TNKS: variants seen among roughly 807,000 people sequenced by gnomAD.
The protein encoded by TNKS is tankyrase.
Under a neutral mutation model 135.8 loss-of-function variants are expected in TNKS, and 72 were observed. That is an observed-to-expected ratio of 0.53 (90% CI 0.44 to 0.64). The LOEUF is 0.64. Ranked by LOEUF, TNKS falls within the 30% of genes least tolerant of loss-of-function variation. The pLI, the probability that TNKS is intolerant of heterozygous loss-of-function variation, is 0.00. For synonymous variants in TNKS, 849 were observed against 649.3 expected (o/e 1.31, Z -4.68); for missense variants, 1,769 against 1,674.0 (o/e 1.06, Z -0.99).
At chr8:9,634,849 A>C (rs1800446047) in intron 3 of TNKS, among the ~76,000 whole-genome samples, 1 of 152,208 alleles carries the variant, frequency 6.6e-6, no homozygotes, top group Non-Finnish European at 1.5e-5. Flanking sequence ...GGGAAGGTGT[A>C]AAAGGAGCCT....
chr8:9,642,049 G>T (rs888592847), intron 3 of TNKS, among the ~76,000 whole-genome samples: 3 of 146,218 alleles, frequency 2.1e-5, no homozygotes, highest in Non-Finnish European at 4.5e-5. Flanking sequence ...ATGTAGAAGT[G>T]TTTGGCTTAA....
chr8:9,598,729 G>GTGTGTCTGTGTC (rs1554444988), intron 2 of TNKS, among the ~76,000 whole-genome samples: 9 of 123,526 alleles, frequency 7.3e-5, no homozygotes, highest in Admixed American at 2.7e-4. Flanking sequence ...GTGTGTGTGT[G>GTGTGTCTGTGTC]TGTGTCTGTG....
chr8:9,590,083 G>A (rs1052593327), intron 2 of TNKS, among the ~76,000 whole-genome samples: 4 of 152,162 alleles, frequency 2.6e-5, no homozygotes, highest in South Asian at 2.1e-4. Context: ...GTGTGTTCGC[G>A]AAGCTGCCCA....
At chr8:9,699,626 C>T (rs1803699661) in intron 5 of TNKS, among the ~76,000 whole-genome samples, 1 of 152,180 alleles carries the variant, frequency 6.6e-6, no homozygotes, top group Non-Finnish European at 1.5e-5. Context: ...CCAGCTTGTT[C>T]TGCACTCACC....
chr8:9,687,044 C>T (rs1389789340), intron 5 of TNKS, among the ~76,000 whole-genome samples: 1 of 152,188 alleles, frequency 6.6e-6, no homozygotes, highest in Admixed American at 6.5e-5. Context: ...ACACTGATGG[C>T]ATCTGCAGTG....
At chr8:9,668,706 C>T (rs1315257061) in intron 3 of TNKS, among the ~76,000 whole-genome samples, 2 of 152,076 alleles carry the variant, frequency 1.3e-5, no homozygotes, top group Non-Finnish European at 2.9e-5. Flanking sequence ...TTAACAAGTG[C>T]AAATGATTGG....
In TNKS at chr8:9,763,029, AG is replaced by A. The variant is rs1385679847; in HGVS notation, c.3275-116del. ...ATCAGGTTCAAATTGCAGATAGTTT[AG>A]GTTTGTTCCAAAACCTCAATTACTT... On this transcript the variant is annotated intron_variant, in intron 21 of 26. Coordinates refer to ENST00000310430, the MANE Select transcript of TNKS (RefSeq NM_003747.3). The A allele has an allele frequency of 6.9e-6, 3 of 437,448 alleles. No individual in the cohort carries two copies. The Admixed American group carries it at 1.3e-4, about 19-fold the overall frequency. 27.1% of individuals were successfully genotyped at this position (437,448 alleles called of 1,614,324 possible). A position where few individuals can be genotyped will look rare whatever the true frequency, so the allele number is the denominator to read the frequency against.
At chr8:9,698,136 G>A (rs1217074651) in intron 5 of TNKS, among the ~76,000 whole-genome samples, 1 of 152,060 alleles carries the variant, frequency 6.6e-6, no homozygotes. Context: ...TAACCTAAAC[G>A]AATTAATGTA....
chr8:9,590,158 C>T (rs1318144772), intron 2 of TNKS, among the ~76,000 whole-genome samples: 1 of 152,128 alleles, frequency 6.6e-6, no homozygotes, highest in Non-Finnish European at 1.5e-5. Context: ...ACTTAAGTAA[C>T]ACCCGGACTC....
rs1030640743 is a variant in TNKS at position 9,667,160 on chromosome 8, C to T, written c.995-12791C>T. ...ACAGAATACTCAAAAACACTTTCTT[C>T]AGAGATTCTTCTTAATATTTGTATT... On this transcript the variant is annotated intron_variant, in intron 3 of 26. Transcript: ENST00000310430. 4.3e-4 allele frequency among the ~76,000 whole-genome samples: 66 copies of T among 152,294 alleles called. 1 individual carries two copies. Among genetic ancestry groups the T allele is most frequent in the African/African-American group, 1.5e-3 (61 of 41,564 alleles).
chr8:9,752,460 C>CA (rs1379291684), intron 19 of TNKS, 84 bp from the exon 20 acceptor site: 3 of 944,316 alleles, frequency 3.2e-6, no homozygotes, highest in Non-Finnish European at 4.9e-6. Flanking sequence ...CCAAGGTTGT[C>CA]AGAGTCATGT....
chr8:9,571,797 C>T (rs1797768932), intron 1 of TNKS, among the ~76,000 whole-genome samples: 1 of 152,090 alleles, frequency 6.6e-6, no homozygotes, highest in Non-Finnish European at 1.5e-5. Context: ...GTCTCTATTT[C>T]TTTCTCTCTG....
chr8:9,694,331 A>G (rs1803414862), intron 5 of TNKS, among the ~76,000 whole-genome samples: 1 of 152,218 alleles, frequency 6.6e-6, no homozygotes, highest in Admixed American at 6.5e-5. Flanking sequence ...CATAAAATTA[A>G]GGAATGTTCT....
intron 2 of TNKS, among the ~76,000 whole-genome samples, chr8:9,606,949 C>A (rs144859770): frequency 6.6e-6 from 1 of 152,082 alleles, no homozygotes; most frequent in Non-Finnish European, 1.5e-5. Flanking sequence ...AAGATTGTCT[C>A]TTCTGCAGAC....
intron 17 of TNKS, among the ~76,000 whole-genome samples, chr8:9,742,762 T>C (rs1348089916): frequency 6.7e-6 from 1 of 149,150 alleles, no homozygotes; most frequent in African/African-American, 2.4e-5. Flanking sequence ...TTAAGAAGTA[T>C]TTATTAGTAC....
intron 2 of TNKS, among the ~76,000 whole-genome samples, chr8:9,602,289 T>C (rs1280823504): frequency 6.6e-6 from 1 of 152,140 alleles, no homozygotes; most frequent in Admixed American, 6.5e-5. Flanking sequence ...AAGCTAAAAG[T>C]ACCAGCTCCC....
chr8:9,717,652 T>C (rs1804675994), intron 11 of TNKS, among the ~76,000 whole-genome samples: 1 of 152,150 alleles, frequency 6.6e-6, no homozygotes, highest in African/African-American at 2.4e-5. Context: ...AAATATCTGT[T>C]TATACAAGGC....
chr8:9,639,255 T>A (rs950507563), intron 3 of TNKS, among the ~76,000 whole-genome samples: 1 of 152,136 alleles, frequency 6.6e-6, no homozygotes, highest in Non-Finnish European at 1.5e-5. Flanking sequence ...AGTAGACCTA[T>A]CTTTAATTGG....
Position 9,765,688 on chromosome 8 carries a change from A to G in TNKS, c.3448-4A>G, listed in dbSNP as rs753962505. On this transcript the variant is annotated splice_polypyrimidine_tract_variant and splice_region_variant and intron_variant, in intron 23 of 26. Coordinates refer to ENST00000310430, the MANE Select transcript of TNKS (RefSeq NM_003747.3). ...TAATGTTTCTTTCTTCTTCATCCTT[A>G]AAGATTCAAAAAGTTGTCAACAAGA... 175 of 1,611,084 alleles carry G rather than the reference A, an allele frequency of 1.1e-4. No homozygotes were observed. Among genetic ancestry groups the G allele is most frequent in the Non-Finnish European group, 1.4e-4 (169 of 1,177,502 alleles).
Sources: gnomAD v4.1 joint callset for allele counts (sites outside exome capture counted in the v4.1 genomes callset) on GRCh38, gnomAD v4.1.1 for gene constraint, MANE v1.5 for transcripts, NCBI Gene and HGNC (gene_info 2026-07-23, HGNC 2026-07-21) for gene names.